TBC1D14: variants seen among roughly 807,000 people sequenced by gnomAD.
TBC1D14 encodes the protein TBC1 domain family, member 14.
Under a neutral mutation model 79.0 loss-of-function variants are expected in TBC1D14, and 26 were observed. That is an observed-to-expected ratio of 0.33 (90% CI 0.24 to 0.46). TBC1D14 has a LOEUF of 0.46. Among genes scored for constraint, TBC1D14 ranks in the 20% least tolerant of loss-of-function variants. The probability of loss-of-function intolerance (pLI) is 1.00; values close to 1 mark genes in which losing one functional copy is unlikely to be tolerated. For missense variants in TBC1D14, 769 were observed against 887.6 expected, an observed-to-expected ratio of 0.87 and a Z score of 1.70; for synonymous variants, 394 against 349.9, an observed-to-expected ratio of 1.13 and a Z score of -1.40.
intron 13 of TBC1D14, among the ~76,000 whole-genome samples, chr4:7,029,525 A>G (rs1722828917): frequency 6.6e-6 from 1 of 152,234 alleles, no homozygotes; most frequent in Non-Finnish European, 1.5e-5. Flanking sequence ...AGCAGCCACA[A>G]TGGCGTGGAA....
chr4:6,977,878 C>T (rs1477122697), intron 3 of TBC1D14, among the ~76,000 whole-genome samples: 2 of 146,422 alleles, frequency 1.4e-5, no homozygotes, highest in Non-Finnish European at 3.0e-5. Flanking sequence ...ATGTGGGGAG[C>T]GCCTCTGCCC....
At chr4:6,918,493 A>G (rs990905777) in intron 1 of TBC1D14, among the ~76,000 whole-genome samples, 4 of 152,222 alleles carry the variant, frequency 2.6e-5, no homozygotes, top group African/African-American at 4.8e-5. Context: ...GGGTTTGCCA[A>G]TGCCTTCAGC....
At chr4:6,969,986 A>G (rs981226836) in intron 3 of TBC1D14, among the ~76,000 whole-genome samples, 2 of 151,880 alleles carry the variant, frequency 1.3e-5, no homozygotes, top group Non-Finnish European at 2.9e-5. Flanking sequence ...AGGGTCAGGG[A>G]CTCAGCACTG....
At chr4:7,004,334 T>A (rs1719971214) in intron 7 of TBC1D14, among the ~76,000 whole-genome samples, 1 of 152,258 alleles carries the variant, frequency 6.6e-6, no homozygotes, top group African/African-American at 2.4e-5. Context: ...CCTGCTTCAC[T>A]GCCAGGCAGC....
chr4:6,935,446 C>A (rs555193611), intron 2 of TBC1D14, among the ~76,000 whole-genome samples: 11 of 151,992 alleles, frequency 7.2e-5, no homozygotes, highest in Non-Finnish European at 1.6e-4. Flanking sequence ...GCGTAGCAGG[C>A]GCCTGGGAGA....
At chr4:7,001,396 G>C (rs1719660366) in intron 7 of TBC1D14, 145 bp downstream of exon 7, 2 of 693,180 alleles carry the variant, frequency 2.9e-6, no homozygotes, top group South Asian at 3.7e-5. Flanking sequence ...TCAGGAGAGA[G>C]GGGCAGTTGG....
At chr4:6,942,402 C>T (rs1712998826) in intron 2 of TBC1D14, among the ~76,000 whole-genome samples, 1 of 152,164 alleles carries the variant, frequency 6.6e-6, no homozygotes. Flanking sequence ...TGGTTTATCT[C>T]AAGAATCCTG....
intron 7 of TBC1D14, 139 bp from the exon 8 acceptor site, chr4:7,004,705 G>C: frequency 1.5e-6 from 1 of 685,322 alleles, no homozygotes; most frequent in South Asian, 1.9e-5. Flanking sequence ...GGGGGGAATT[G>C]TTTAAGTAGC....
intron 3 of TBC1D14, among the ~76,000 whole-genome samples, chr4:6,990,761 A>C (rs1017346226): frequency 7.9e-5 from 12 of 152,130 alleles, no homozygotes; most frequent in African/African-American, 2.2e-4. Context: ...TACAGTTGCT[A>C]CTGTTTTATA....
chr4:7,011,189 G>C (rs1057339125), intron 11 of TBC1D14, among the ~76,000 whole-genome samples: 1 of 152,166 alleles, frequency 6.6e-6, no homozygotes, highest in Non-Finnish European at 1.5e-5. Flanking sequence ...TTGTCACCCT[G>C]CTTTGTGAAG....
At chr4:6,930,044 G>T (rs1374332245) in intron 2 of TBC1D14, among the ~76,000 whole-genome samples, 1 of 152,220 alleles carries the variant, frequency 6.6e-6, no homozygotes, top group African/African-American at 2.4e-5. Flanking sequence ...GAAGTGCGGG[G>T]CTGGGAGAGC....
chr4:6,983,182 G>A (rs545784153), intron 3 of TBC1D14, among the ~76,000 whole-genome samples: 1 of 152,230 alleles, frequency 6.6e-6, no homozygotes, highest in African/African-American at 2.4e-5. Flanking sequence ...ATGTTGGCCA[G>A]GCTGGTCTTG....
intron 2 of TBC1D14, among the ~76,000 whole-genome samples, chr4:6,958,048 C>T (rs1007507772): frequency 2.0e-5 from 3 of 151,684 alleles, no homozygotes; most frequent in Non-Finnish European, 4.4e-5. Flanking sequence ...TATAACTCAG[C>T]CCTTTAGCCT....
intron 2 of TBC1D14, among the ~76,000 whole-genome samples, chr4:6,963,184 G>A (rs924302178): frequency 2.0e-5 from 3 of 152,252 alleles, no homozygotes; most frequent in Non-Finnish European, 4.4e-5. Context: ...TTCCCATGTC[G>A]GGGGTGGGAC....
At chr4:7,006,210 A>G (rs1172827519) in intron 8 of TBC1D14, among the ~76,000 whole-genome samples, 2 of 152,138 alleles carry the variant, frequency 1.3e-5, no homozygotes, top group South Asian at 2.1e-4. Flanking sequence ...CATGAGTATA[A>G]TACCGCAATA....
chr4:6,926,555 A>G (rs1724313016), intron 2 of TBC1D14, among the ~76,000 whole-genome samples: 1 of 152,234 alleles, frequency 6.6e-6, no homozygotes, highest in African/African-American at 2.4e-5. Context: ...GCCTCTCTGA[A>G]CTACCTTTGG....
chr4:7,022,877 C>G (rs1276720044), intron 12 of TBC1D14, among the ~76,000 whole-genome samples: 1 of 151,798 alleles, frequency 6.6e-6, no homozygotes, highest in Non-Finnish European at 1.5e-5. Flanking sequence ...TGGGGGGGTA[C>G]ATTGTAGAAA....
intron 13 of TBC1D14, among the ~76,000 whole-genome samples, chr4:7,028,690 G>A (rs1722724859): frequency 6.6e-6 from 1 of 152,160 alleles, no homozygotes; most frequent in Admixed American, 6.5e-5. Context: ...CTCCCAAAGT[G>A]CTGGGATTAT....
At chr4:6,987,108 T>C (rs933730999) in intron 3 of TBC1D14, 2 of 862,248 alleles carry the variant, frequency 2.3e-6, no homozygotes, top group African/African-American at 2.0e-5. Flanking sequence ...CCCTCGCCGC[T>C]CATCAGCCCC....
Sources: allele counts gnomAD v4.1 joint callset (sites outside exome capture counted in the v4.1 genomes callset), GRCh38; gene constraint gnomAD v4.1.1; transcripts MANE v1.5; gene names NCBI Gene and HGNC (gene_info 2026-07-23, HGNC 2026-07-21).